RUBCNL: variants seen among roughly 807,000 people sequenced by gnomAD.
The protein encoded by RUBCNL is rubicon like autophagy enhancer.
RUBCNL carries 62 observed loss-of-function variants against 69.5 expected under a neutral mutation model. That is an observed-to-expected ratio of 0.89 (90% confidence interval 0.73 to 1.10). The LOEUF (loss-of-function observed/expected upper bound fraction) is 1.10. Among genes scored for constraint, RUBCNL ranks in the 50% least tolerant of loss-of-function variants. The pLI, the probability that RUBCNL is intolerant of heterozygous loss-of-function variation, is 0.00. For missense variants in RUBCNL, 768 were observed against 798.1 expected (o/e 0.96, Z 0.45); for synonymous variants, 291 against 303.6 (o/e 0.96, Z 0.43).
chr13:46,374,751 T>C (rs1224112240), intron 2 of RUBCNL, among the ~76,000 whole-genome samples: 1 of 152,168 alleles, frequency 6.6e-6, no homozygotes, highest in Non-Finnish European at 1.5e-5. Context: ...CATGATGCTG[T>C]CCCTGTAAAC....
At chr13:46,389,450 T>C (rs2049310298), upstream of RUBCNL, among the ~76,000 whole-genome samples, 1 of 152,222 alleles carries the variant, frequency 6.6e-6, no homozygotes, top group African/African-American at 2.4e-5. This position sits in a 1 kb window ranked among gnomAD's most constrained non-coding sequence, Gnocchi z 4.2. Context: ...GGAAATGTCA[T>C]GCCAGGTAAA....
At chr13:46,367,595 A>G (rs754309487) in intron 5 of RUBCNL, among the ~76,000 whole-genome samples, 1 of 152,254 alleles carries the variant, frequency 6.6e-6, no homozygotes, top group Non-Finnish European at 1.5e-5. Flanking sequence ...AGGTTACTCA[A>G]GAAGTTTTTA....
In RUBCNL at chr13:46,384,917, A is replaced by G. The variant is rs143421017; in HGVS notation, c.-239+2217T>C. ...ACATAGCCACTCAGCAGCATGCTCA[A>G]GTCCAAACCCTGGAACCTTGTCCAT... On this transcript the variant is annotated intron_variant, in intron 1 of 14. Coordinates refer to ENST00000429979, the MANE Select transcript of RUBCNL (RefSeq NM_025113.5). 1.8e-4 allele frequency among the ~76,000 whole-genome samples: 28 copies of G among 152,348 alleles called. No individual in the cohort carries two copies. In the East Asian group the frequency reaches 5.0e-3, roughly 27 times the overall value.
Position 46,337,634 on chromosome 13 carries a change from T to C in RUBCNL, c.*5751A>G, listed in dbSNP as rs1202445653. On this transcript the variant is annotated 3_prime_UTR_variant, in exon 15 of 15. Coordinates refer to ENST00000429979, the MANE Select transcript of RUBCNL (RefSeq NM_025113.5). Reference sequence around the variant, plus strand: ...ATCCACCTAGCGTAAGGTATTTTATTATAGCAGCCTAAACAGACTACGACA... The same window carrying C: ...ATCCACCTAGCGTAAGGTATTTTATCATAGCAGCCTAAACAGACTACGACA... Among the ~76,000 whole-genome samples the C allele has an allele frequency of 1.3e-5, 2 of 152,164 alleles. No homozygotes were observed. The highest frequency in any genetic ancestry group is 2.9e-5 in the Non-Finnish European group (2 of 68,028).
Position 46,348,892 on chromosome 13 carries a change from G to A in RUBCNL, c.1631+394C>T, listed in dbSNP as rs552230021. ...ACTGGGATTACAGGTGTGAGCCACC[G>A]TGCCTGGCTGATCTGATGGCTTTAT... On this transcript the variant is annotated intron_variant, in intron 12 of 14. Coordinates refer to ENST00000429979, the MANE Select transcript of RUBCNL (RefSeq NM_025113.5). 5.3e-5 allele frequency among the ~76,000 whole-genome samples: 8 copies of A among 152,076 alleles called. No homozygotes were observed. In the East Asian group the frequency reaches 5.8e-4, roughly 11 times the overall value.
rs1245282868 is a variant in RUBCNL, at chr13:46,361,430, T to A, written c.1119+11A>T. On this transcript the variant is annotated intron_variant, in intron 8 of 14. Coordinates refer to ENST00000429979, the MANE Select transcript of RUBCNL (RefSeq NM_025113.5). ...ACTTTCAATTCAAGGTCAATTTTTT[T>A]TGATACTTACTATCGAGCCAGCTGC... 1 of 1,612,816 alleles carries A rather than the reference T, an allele frequency of 6.2e-7. No individual in the cohort carries two copies.
rs1042183836 is a variant in RUBCNL, at chr13:46,340,815, G to C, written c.*2570C>G. 6.6e-6 allele frequency among the ~76,000 whole-genome samples: 1 copy of C among 152,134 alleles called. No individual in the cohort carries two copies. Among genetic ancestry groups the C allele is most frequent in the Non-Finnish European group, 1.5e-5 (1 of 68,034 alleles). ...CAGCTCTCATGGGAACTAAGAGTGAGAACTCACTCATCACCACAAAGGTGC... is the reference window on the plus strand; with the variant it reads ...CAGCTCTCATGGGAACTAAGAGTGACAACTCACTCATCACCACAAAGGTGC... On this transcript the variant is annotated 3_prime_UTR_variant, in exon 15 of 15. Transcript: ENST00000429979.
rs931094556 is a variant in RUBCNL, at chr13:46,338,183, A to G, written c.*5202T>C. Among the ~76,000 whole-genome samples, 13 of 152,232 alleles carry G rather than the reference A, an allele frequency of 8.5e-5. No homozygotes were observed. Among genetic ancestry groups the G allele is most frequent in the Non-Finnish European group, 1.5e-5 (1 of 68,040 alleles). On this transcript the variant is annotated 3_prime_UTR_variant, in exon 15 of 15. Coordinates refer to ENST00000429979, the MANE Select transcript of RUBCNL (RefSeq NM_025113.5). ...GAGTACAAATACAGGTCCACATGCC[A>G]TATATCCAAGTATTTAAAATTTGAA...
chr13:46,374,684 G>A (rs2478042), intron 2 of RUBCNL: 59,500 of 151,966 alleles, frequency 0.39, 12,254 homozygotes, highest in East Asian at 0.59. Context: ...TCCCCCAAAG[G>A]CTTCCCATCA....
chr13:46,362,923 C>CACAT (rs2048648471), intron 6 of RUBCNL, among the ~76,000 whole-genome samples, 192 bp downstream of exon 6: 1 of 88,038 alleles, frequency 1.1e-5, no homozygotes, highest in Admixed American at 1.3e-4. Flanking sequence ...ACAAGAACAT[C>CACAT]ATATATATAT....
Position 46,368,746 on chromosome 13 carries a change from A to G in RUBCNL, c.605T>C (p.Val202Ala). The change falls in exon 4 of 15, where the codon GTT becomes GCT. Residue 202 changes from valine (V) to alanine (A), a missense_variant. Transcript: ENST00000429979. Reference sequence around the variant, plus strand: ...GATAGCATTCACCTTTTCTACATCAACAGGCAGCACAAATACCTCTGGTGA... The same window carrying G: ...GATAGCATTCACCTTTTCTACATCAGCAGGCAGCACAAATACCTCTGGTGA... ...SFSPEVFVLP[V>A]DVEKENAHFY... is the part of the protein sequence containing the mutation. 6.2e-7 allele frequency: 1 copy of G among 1,613,526 alleles called. No homozygotes were observed. The highest frequency in any genetic ancestry group is 1.3e-5 in the African/African-American group (1 of 75,054).
At chr13:46,384,984 T>C (rs1462278674) in intron 1 of RUBCNL, among the ~76,000 whole-genome samples, 1 of 152,158 alleles carries the variant, frequency 6.6e-6, no homozygotes, top group African/African-American at 2.4e-5. Context: ...GTGTGTGGGA[T>C]AAAAGACAAT....
chr13:46,359,636 A>G lies in RUBCNL; in HGVS notation c.1120-5T>C, dbSNP rs1255257511. Reference sequence around the variant, plus strand: ...GACACACTCTTCATTTACGACCTGCATAAGACATAAAATGATTTAGGAACA... The same window carrying G: ...GACACACTCTTCATTTACGACCTGCGTAAGACATAAAATGATTTAGGAACA... On this transcript the variant is annotated splice_polypyrimidine_tract_variant and splice_region_variant and intron_variant, in intron 8 of 14. Transcript: ENST00000429979. The G allele has an allele frequency of 1.9e-6, 3 of 1,566,830 alleles. No homozygotes were observed. Among genetic ancestry groups the G allele is most frequent in the Non-Finnish European group, 2.6e-6 (3 of 1,154,342 alleles).
rs964109272 is a variant in RUBCNL, at chr13:46,372,568, C to G, written c.-93G>C. ...CTTGATTTGGGCCCTGAACTCACCA[C>G]ATGGCCAGCTGGGGGTCTGGAGAGC... On this transcript the variant is annotated 5_prime_UTR_variant, in exon 3 of 15. An upstream start codon of the reference 5' UTR is lost. Transcript: ENST00000429979. 6.7e-7 allele frequency: 1 copy of G among 1,485,594 alleles called. No individual in the cohort carries two copies. Among genetic ancestry groups the G allele is most frequent in the African/African-American group, 1.4e-5 (1 of 71,564 alleles). The allele number at this position is 1,485,594 out of a possible 1,614,324, so 92.0% of individuals were successfully genotyped here.
chr13:46,364,940 A>G (rs2048716605), intron 5 of RUBCNL, among the ~76,000 whole-genome samples: 1 of 152,144 alleles, frequency 6.6e-6, no homozygotes, highest in South Asian at 2.1e-4. Flanking sequence ...AAAAATACCT[A>G]TTTCAGACAA....
chr13:46,369,081 G>A (rs1004084320), intron 3 of RUBCNL, among the ~76,000 whole-genome samples: 3 of 152,212 alleles, frequency 2.0e-5, no homozygotes, highest in African/African-American at 7.2e-5. Flanking sequence ...ATGAGGAAAA[G>A]AGGGTAGAAA....
chr13:46,355,293 GCT>G (rs1491274424), intron 10 of RUBCNL, among the ~76,000 whole-genome samples: 1 of 138,022 alleles, frequency 7.2e-6, no homozygotes, highest in African/African-American at 2.8e-5. Context: ...GAAAGCCCGA[GCT>G]TTTTTTTTTT....
intron 5 of RUBCNL, among the ~76,000 whole-genome samples, chr13:46,367,414 A>G (rs760863002): frequency 4.6e-5 from 7 of 152,254 alleles, no homozygotes; most frequent in Non-Finnish European, 8.8e-5. Context: ...GCCATGTGAC[A>G]GAAAACAAAG....
chr13:46,362,956 A>G (rs1413101996), intron 6 of RUBCNL, among the ~76,000 whole-genome samples, 159 bp downstream of exon 6: 1 of 70,830 alleles, frequency 1.4e-5, no homozygotes, highest in Non-Finnish European at 2.6e-5. Flanking sequence ...ATATATATAT[A>G]TATATATATA....
Sources: allele counts gnomAD v4.1 joint callset (sites outside exome capture counted in the v4.1 genomes callset), GRCh38; gene constraint gnomAD v4.1.1; non-coding constraint Gnocchi (gnomAD v3.1); transcripts MANE v1.5; gene names NCBI Gene and HGNC (gene_info 2026-07-23, HGNC 2026-07-21).